Variants in DYSF observed in about 807,000 individuals in gnomAD.
The protein encoded by DYSF is dysferlin, also known as dystrophy-associated fer-1-like 1.
Under a neutral mutation model 274.9 loss-of-function variants are expected in DYSF, and 212 were observed. The ratio of observed to expected loss-of-function variants is 0.77; its 90% CI spans 0.69 to 0.86. DYSF has a LOEUF of 0.86. Ranked by LOEUF, DYSF falls within the 40% of genes least tolerant of loss-of-function variation. DYSF has a pLI of 0.00. For synonymous variants in DYSF, 1,091 were observed against 1,078.7 expected, an observed-to-expected ratio of 1.01 and a Z score of -0.22; for missense variants, 2,666 against 2,783.2, an observed-to-expected ratio of 0.96 and a Z score of 0.95.
rs569268630 is a variant in DYSF at position 71,581,069 on chromosome 2, G to T, written c.3402+6698G>T. On this transcript the variant is annotated intron_variant, in intron 30 of 55. Coordinates refer to ENST00000410020, the MANE Select transcript of DYSF (RefSeq NM_001130987.2). ...TAATAATCACACTGGAAAAGCAGGC[G>T]TAAGTAGGACCATTCCAGGCAAACT... is the stretch of plus-strand genomic sequence containing the variant. Among the ~76,000 whole-genome samples, 14 of 152,308 alleles carry T rather than the reference G, an allele frequency of 9.2e-5. 1 individual carries two copies. The highest frequency in any genetic ancestry group is 3.4e-4 in the African/African-American group (14 of 41,560).
intron 42 of DYSF, among the ~76,000 whole-genome samples, chr2:71,650,694 A>G (rs2094641303): frequency 6.6e-6 from 1 of 152,190 alleles, no homozygotes. Context: ...TTGTAATGCA[A>G]TAAAATTAGA....
intron 40 of DYSF, among the ~76,000 whole-genome samples, chr2:71,619,913 A>G (rs994866901): frequency 3.3e-5 from 5 of 152,186 alleles, no homozygotes; most frequent in Non-Finnish European, 4.4e-5. Flanking sequence ...ATTGATTCAC[A>G]GTACTGGGAG....
At chr2:71,577,428 A>T (rs2092742026) in intron 30 of DYSF, among the ~76,000 whole-genome samples, 1 of 150,592 alleles carries the variant, frequency 6.6e-6, no homozygotes, top group Admixed American at 6.6e-5. Context: ...ACACCTACAC[A>T]ATCACACTCT....
chr2:71,603,355 G>A (rs1417736876), intron 36 of DYSF, among the ~76,000 whole-genome samples: 1 of 152,186 alleles, frequency 6.6e-6, no homozygotes, highest in Admixed American at 6.5e-5. Flanking sequence ...TTTGCCATGG[G>A]AGGAGAGATG....
At chr2:71,570,066 A>G in intron 27 of DYSF, 132 bp downstream of exon 27, 4 of 1,098,932 alleles carry the variant, frequency 3.6e-6, no homozygotes, top group Non-Finnish European at 4.1e-6. Flanking sequence ...TTGATTTCCA[A>G]AGGGAAAGTG....
At chr2:71,466,954 G>T in intron 1 of DYSF, 21 bp downstream of exon 1, 1 of 1,547,792 alleles carries the variant, frequency 6.5e-7, no homozygotes, top group Non-Finnish European at 8.7e-7. Context: ...CGTGGCTGCC[G>T]CGCCCATGCT....
At chr2:71,477,197 C>T (rs2082461090) in intron 1 of DYSF, among the ~76,000 whole-genome samples, 1 of 151,886 alleles carries the variant, frequency 6.6e-6, no homozygotes, top group Non-Finnish European at 1.5e-5. Context: ...GCAGTGTCTC[C>T]CTGAGGGAAA....
At chr2:71,579,870 C>G (rs1558527880) in intron 30 of DYSF, among the ~76,000 whole-genome samples, 1 of 152,194 alleles carries the variant, frequency 6.6e-6, no homozygotes, top group Non-Finnish European at 1.5e-5. Context: ...TTGATCATTG[C>G]AGGAAGGTCT....
rs930078837 is a variant in DYSF at position 71,549,206 on chromosome 2, G to A, written c.1577-1835G>A. 11 of 741,830 alleles carry A rather than the reference G, an allele frequency of 1.5e-5. No homozygotes were observed. The Admixed American group carries it at 2.4e-4, about 16-fold the overall frequency. The allele number at this position is 741,830 out of a possible 1,614,324, so 46.0% of individuals were successfully genotyped here. A position where few individuals can be genotyped will look rare whatever the true frequency, so the allele number is the denominator to read the frequency against. On this transcript the variant is annotated intron_variant, in intron 17 of 55. Transcript: ENST00000410020. ...AATTCACAGCTGGGCAGAGGGTGGGGCCTCGGGCCACATCTGTTTCACACC... is the reference window on the plus strand; with the variant it reads ...AATTCACAGCTGGGCAGAGGGTGGGACCTCGGGCCACATCTGTTTCACACC...
At chr2:71,546,099 C>T (rs2090444607) in intron 17 of DYSF, among the ~76,000 whole-genome samples, 1 of 152,276 alleles carries the variant, frequency 6.6e-6, no homozygotes, top group Admixed American at 6.5e-5. Context: ...CCGACCCGTT[C>T]CTGCAGAGGT....
At chr2:71,483,357 C>T (rs895224995) in intron 3 of DYSF, among the ~76,000 whole-genome samples, 17 of 152,194 alleles carry the variant, frequency 1.1e-4, no homozygotes, top group African/African-American at 1.9e-4. Context: ...ATGGTGGACC[C>T]GCAGATCAGG....
chr2:71,656,222 A>G lies in DYSF; in HGVS notation c.4687A>G (p.Thr1563Ala). 6.2e-7 allele frequency: 1 copy of G among 1,614,140 alleles called. No homozygotes were observed. The highest frequency in any genetic ancestry group is 8.5e-7 in the Non-Finnish European group (1 of 1,180,036). The change falls in exon 43 of 56, where the codon ACC becomes GCC. Residue 1563 changes from threonine to alanine, a missense_variant. This residue lies in a region of DYSF where 1,460 missense variants were observed against 1,502.1 expected (regional missense o/e 0.97). Coordinates refer to ENST00000410020, the MANE Select transcript of DYSF (RefSeq NM_001130987.2). ...AFEGLSDFCN[T>A]FKLYRGKTQE... ...TGAGGGCCTGTCTGACTTTTGTAAC[A>G]CCTTCAAGCTGTACCGGGGCAAGAC...
rs778316824 is a variant in DYSF at position 71,570,316 on chromosome 2, C to T, written c.3067C>T (p.Arg1023Trp). ...EDEEWSTDLN[R>W]AVDEQGWEYS... The stretch of plus-strand genomic sequence containing the variant: ...TGAGGAATGGTCCACAGACCTCAAC[C>T]GGGCTGTCGATGAGCAAGGTGGGCA... Residue 1023 changes from arginine (R) to tryptophan (W), a missense_variant, in exon 28 of 56, where the codon CGG becomes TGG. Physicochemically the swap from Arg to Trp is moderately radical, Grantham distance 101 (BLOSUM62 -3). Coordinates refer to ENST00000410020, the MANE Select transcript of DYSF (RefSeq NM_001130987.2). The T allele has an allele frequency of 9.9e-6, 16 of 1,614,074 alleles. No homozygotes were observed. The highest frequency in any genetic ancestry group is 6.6e-5 in the South Asian group (6 of 91,090).
intron 12 of DYSF, among the ~76,000 whole-genome samples, chr2:71,521,981 C>A (rs559701653): frequency 9.7e-4 from 147 of 152,064 alleles, no homozygotes; most frequent in African/African-American, 3.2e-3. Context: ...ACTTGCCCCC[C>A]ATCTTCATCC....
chr2:71,669,219 G>T lies in DYSF; in HGVS notation c.5642+12G>T. Reference sequence around the variant, plus strand: ...ATTTATGTGAAAGGGTAGGGAGCCAGCGTCCTCTTGCCTGTCCAGCTTCCC... The same window carrying T: ...ATTTATGTGAAAGGGTAGGGAGCCATCGTCCTCTTGCCTGTCCAGCTTCCC... On this transcript the variant is annotated intron_variant, in intron 50 of 55. Coordinates refer to ENST00000410020, the MANE Select transcript of DYSF (RefSeq NM_001130987.2). The T allele has an allele frequency of 1.3e-6, 2 of 1,590,218 alleles. No individual in the cohort carries two copies. The highest frequency in any genetic ancestry group is 1.7e-6 in the Non-Finnish European group (2 of 1,166,122).
chr2:71,557,002 G>A (rs997369224), intron 22 of DYSF, among the ~76,000 whole-genome samples: 1 of 152,194 alleles, frequency 6.6e-6, no homozygotes, highest in African/African-American at 2.4e-5. Flanking sequence ...CAGTTAGGAA[G>A]TGTATCTTTA....
chr2:71,534,617 G>A lies in DYSF; in HGVS notation c.1381-404G>A, dbSNP rs188190917. Among the ~76,000 whole-genome samples the A allele has an allele frequency of 1.9e-3, 290 of 152,300 alleles. 6 individuals carry two copies. Among genetic ancestry groups the A allele is most frequent in the Middle Eastern group, 6.8e-3 (2 of 294 alleles). ...AGTCTTCCTACATGGTGGATGATCT[G>A]GGGTAATGGGCAAAAGAGCCTTCTG... is the stretch of plus-strand genomic sequence containing the variant. On this transcript the variant is annotated intron_variant, in intron 14 of 55. Coordinates refer to ENST00000410020, the MANE Select transcript of DYSF (RefSeq NM_001130987.2).
At chr2:71,579,608 G>A (rs1247910780) in intron 30 of DYSF, among the ~76,000 whole-genome samples, 8 of 152,082 alleles carry the variant, frequency 5.3e-5, no homozygotes, top group East Asian at 1.9e-4. Flanking sequence ...CTTTATATGC[G>A]TCATCTCATA....
chr2:71,546,557 TA>T (rs1037698650), intron 17 of DYSF, among the ~76,000 whole-genome samples: 1 of 152,210 alleles, frequency 6.6e-6, no homozygotes, highest in Admixed American at 6.5e-5. Flanking sequence ...TTTTGTTTTT[TA>T]AAAAAGAGTG....
Sources: gnomAD v4.1 joint callset for allele counts (sites outside exome capture counted in the v4.1 genomes callset) on GRCh38, gnomAD v4.1.1 for gene constraint, gnomAD v4.1.1 regional missense constraint, MANE v1.5 for transcripts, NCBI Gene and HGNC (gene_info 2026-07-23, HGNC 2026-07-21) for gene names.